TCF3: variants seen among roughly 807,000 people sequenced by gnomAD.
TCF3 encodes the protein transcription factor 3, also known as transcription factor E2-alpha.
Under a neutral mutation model 72.3 loss-of-function variants are expected in TCF3, and 54 were observed. The ratio of observed to expected loss-of-function variants is 0.75; its 90% CI spans 0.60 to 0.94. The LOEUF (loss-of-function observed/expected upper bound fraction) is 0.94. Ranked by LOEUF, TCF3 falls within the 40% of genes least tolerant of loss-of-function variation. The pLI is 0.00. For synonymous variants in TCF3, 525 were observed against 412.6 expected (o/e 1.27, Z -3.30); for missense variants, 1,078 against 934.4 (o/e 1.15, Z -2.00).
intron 7 of TCF3, among the ~76,000 whole-genome samples, chr19:1,624,936 C>T (rs1331101610): frequency 1.3e-5 from 2 of 152,228 alleles, no homozygotes; most frequent in Non-Finnish European, 2.9e-5. Context: ...GCCTCGAACT[C>T]CCAGGGTCAA....
rs1181810644 is a variant in TCF3 at position 1,646,422 on chromosome 19, G to T, written c.78C>A (p.Phe26Leu). ...LSDLLDFSMM[F>L]PLPVTNGKGR... Reference sequence around the variant, plus strand: ...CCTTCCCGTTGGTGACAGGCAGCGGGAACATCTGCAGGGAGGGGAGGGGAG... The same window carrying T: ...CCTTCCCGTTGGTGACAGGCAGCGGTAACATCTGCAGGGAGGGGAGGGGAG... The change falls in exon 3 of 19, where the codon TTC (phenylalanine) becomes TTA (leucine). Residue 26 changes from phenylalanine (F) to leucine (L), a missense_variant. Phe to Leu is a conservative substitution (Grantham distance 22). Coordinates refer to ENST00000262965, the MANE Select transcript of TCF3 (RefSeq NM_003200.5). 6.5e-7 allele frequency: 1 copy of T among 1,546,018 alleles called. No homozygotes were observed. The highest frequency in any genetic ancestry group is 8.7e-7 in the Non-Finnish European group (1 of 1,144,572).
chr19:1,650,400 T>G, intron 1 of TCF3, 113 bp from the exon 2 acceptor site: 2 of 773,190 alleles, frequency 2.6e-6, no homozygotes, highest in Non-Finnish European at 2.0e-6. Flanking sequence ...TCAACCGCCC[T>G]GGGGTCTGAG....
intron 2 of TCF3, among the ~76,000 whole-genome samples, chr19:1,647,797 T>G (rs1170998776): frequency 6.6e-6 from 1 of 152,230 alleles, no homozygotes; most frequent in African/African-American, 2.4e-5. Context: ...TCCTGTGGGC[T>G]CTGCAGGCCT....
At chr19:1,627,572 C>T (rs1458980088) in intron 5 of TCF3, 146 bp from the exon 6 acceptor site, 3 of 707,234 alleles carry the variant, frequency 4.2e-6, no homozygotes, top group African/African-American at 3.6e-5. Flanking sequence ...GAGCCTGACC[C>T]CAGTGTGCCC....
Position 1,636,473 on chromosome 19 carries a change from T to C in TCF3, c.146-4068A>G. On this transcript the variant is annotated intron_variant, in intron 3 of 18. Transcript: ENST00000262965. Reference sequence around the variant, plus strand: ...ACAACGCCTGGTGAATTTAAAAAAATTTTTTTGTAGAGATGGGGTCTCACT... The same window carrying C: ...ACAACGCCTGGTGAATTTAAAAAAACTTTTTTGTAGAGATGGGGTCTCACT... Among the ~76,000 whole-genome samples the C allele has an allele frequency of 2.0e-5, 3 of 152,058 alleles. 1 individual carries two copies. In the East Asian group the frequency reaches 5.8e-4, roughly 29 times the overall value.
chr19:1,626,095 G>C (rs117613203), intron 6 of TCF3, among the ~76,000 whole-genome samples: 1 of 152,156 alleles, frequency 6.6e-6, no homozygotes, highest in Non-Finnish European at 1.5e-5. Context: ...GTGTGAAACG[G>C]GCTTTCTTCC....
At position 1,611,578 on chromosome 19, in the gene TCF3, G is replaced by A. The variant is rs1292135706; in HGVS notation, c.*129C>T. 8.4e-6 allele frequency: 11 copies of A among 1,312,832 alleles called. No homozygotes were observed. The African/African-American group carries it at 1.2e-4, about 14-fold the overall frequency. The allele number at this position is 1,312,832 out of a possible 1,614,324, so 81.3% of individuals were successfully genotyped here. On this transcript the variant is annotated 3_prime_UTR_variant, in exon 19 of 19. Transcript: ENST00000262965. ...CATCACTCCGAACCTTGTCAGGTTG[G>A]TGTTGGCTCGATGCTGACAACAGGT...
At chr19:1,651,641 G>GA (rs889208802) in intron 1 of TCF3, among the ~76,000 whole-genome samples, 3 of 152,070 alleles carry the variant, frequency 2.0e-5, no homozygotes, top group Admixed American at 6.5e-5. Flanking sequence ...AAGGCGGGGG[G>GA]CGCGCTGGAA....
At chr19:1,618,704 C>G (rs1244332943) in intron 16 of TCF3, among the ~76,000 whole-genome samples, 2 of 152,198 alleles carry the variant, frequency 1.3e-5, no homozygotes, top group Non-Finnish European at 2.9e-5. Flanking sequence ...GCCTCATGGG[C>G]CACCATCTTC....
At chr19:1,621,478 A>G (rs1406897114) in intron 11 of TCF3, among the ~76,000 whole-genome samples, 13 of 138,326 alleles carry the variant, frequency 9.4e-5, no homozygotes, top group African/African-American at 2.0e-4. Flanking sequence ...GGCCTGGGTA[A>G]CTGAGTCCCT....
chr19:1,619,603 A>AGATGCCT, intron 14 of TCF3, 129 bp from the exon 15 acceptor site: 2 of 1,384,534 alleles, frequency 1.4e-6, no homozygotes, highest in Non-Finnish European at 1.9e-6. Flanking sequence ...TGCATATGCC[A>AGATGCCT]GGCATCTGGC....
chr19:1,637,438 G>C (rs940063625), intron 3 of TCF3, among the ~76,000 whole-genome samples: 2 of 152,234 alleles, frequency 1.3e-5, no homozygotes, highest in Non-Finnish European at 2.9e-5. Context: ...CTGGCCCCGA[G>C]AGTGGGCATC....
At chr19:1,637,916 AAAG>A (rs988019615) in intron 3 of TCF3, among the ~76,000 whole-genome samples, 1 of 152,182 alleles carries the variant, frequency 6.6e-6, no homozygotes, top group Non-Finnish European at 1.5e-5. Flanking sequence ...CTCAAAAAAA[AAAG>A]AAAAAGAAAA....
chr19:1,619,484 G>A lies in TCF3; in HGVS notation c.1168-10C>T, dbSNP rs776769677. On this transcript the variant is annotated splice_polypyrimidine_tract_variant and intron_variant, in intron 14 of 18. Transcript: ENST00000262965. ...CTTCTATCTTACTCTGCTGCAGGGT[G>A]GGGGGATGGGTGGTGAGGGGCCCAA... The A allele has an allele frequency of 6.4e-6, 10 of 1,566,314 alleles. No homozygotes were observed. Among genetic ancestry groups the A allele is most frequent in the Admixed American group, 3.5e-5 (2 of 57,472 alleles).
chr19:1,644,614 A>T (rs1350642123), intron 3 of TCF3, among the ~76,000 whole-genome samples: 1 of 152,156 alleles, frequency 6.6e-6, no homozygotes. Context: ...CAGAAAATAC[A>T]TCTGCAAACA....
rs139710591 is a variant in TCF3, at chr19:1,649,124, C to T, written c.72+1053G>A. Reference sequence around the variant, plus strand: ...CAACCACCTAAGACTCTGAAGAAGCCGCCCCGCCCTCCCCACCGGGCCTGC... The same window carrying T: ...CAACCACCTAAGACTCTGAAGAAGCTGCCCCGCCCTCCCCACCGGGCCTGC... On this transcript the variant is annotated intron_variant, in intron 2 of 18. Coordinates refer to ENST00000262965, the MANE Select transcript of TCF3 (RefSeq NM_003200.5). Among the ~76,000 whole-genome samples the T allele has an allele frequency of 1.6e-3, 249 of 152,302 alleles. 1 individual carries two copies. Among genetic ancestry groups the T allele is most frequent in the East Asian group, 0.011 (59 of 5,178 alleles).
At chr19:1,645,079 G>A (rs753235153) in intron 3 of TCF3, among the ~76,000 whole-genome samples, 93 of 152,190 alleles carry the variant, frequency 6.1e-4, no homozygotes, top group Non-Finnish European at 9.1e-4. Flanking sequence ...TGAGGCAGTG[G>A]GGGCAGCAAA....
At chr19:1,621,282 C>T in intron 11 of TCF3, 91 bp from the exon 12 acceptor site, 1 of 1,410,754 alleles carries the variant, frequency 7.1e-7, no homozygotes, top group Non-Finnish European at 9.5e-7. Flanking sequence ...CCTGCACAGA[C>T]ACTGCTGCGC....
chr19:1,637,045 G>A (rs1436161857), intron 3 of TCF3, among the ~76,000 whole-genome samples: 11 of 151,614 alleles, frequency 7.3e-5, no homozygotes, highest in Non-Finnish European at 1.6e-4. Flanking sequence ...AACCTCCTCC[G>A]CCAGAACCGG....
Sources: allele counts gnomAD v4.1 joint callset (sites outside exome capture counted in the v4.1 genomes callset), GRCh38; gene constraint gnomAD v4.1.1; transcripts MANE v1.5; gene names NCBI Gene and HGNC (gene_info 2026-07-23, HGNC 2026-07-21).